ABCA7: variants seen among roughly 807,000 people sequenced by gnomAD.
ABCA7 encodes phospholipid-transporting ATPase ABCA7.
In ABCA7, 261 loss-of-function variants were observed where a neutral mutation model predicts 227.6. That is an observed-to-expected ratio of 1.15 (90% CI 1.04 to 1.27). ABCA7 has a LOEUF of 1.27. ABCA7 is among the 50% of genes most tolerant of loss of function. The pLI is 0.00. For missense variants in ABCA7, 3,331 were observed against 2,924.5 expected (o/e 1.14, Z -3.21); for synonymous variants, 1,488 against 1,279.7 (o/e 1.16, Z -3.47).
intron 41 of ABCA7, 50 bp downstream of exon 41, chr19:1,061,938 C>A: frequency 1.3e-6 from 2 of 1,507,670 alleles, no homozygotes; most frequent in Non-Finnish European, 8.9e-7. Flanking sequence ...GCCCTGACGT[C>A]CTTGTGCTTC....
chr19:1,050,997 G>C lies in ABCA7; in HGVS notation c.2629G>C (p.Ala877Pro). The part of the protein sequence containing the change: ...ILGHDVRSSM[A>P]AIRPHLGVCP... ...GGGCCACGACGTCCGCTCCAGCATG[G>C]CCGCCATCCGGCCCCACCTGGGCGT... Residue 877 changes from alanine (A) to proline (P), a missense_variant, in exon 19 of 47, where the codon GCC becomes CCC. Coordinates refer to ENST00000263094, the MANE Select transcript of ABCA7 (RefSeq NM_019112.4). The C allele has an allele frequency of 6.2e-7, 1 of 1,612,282 alleles. No homozygotes were observed. Among genetic ancestry groups the C allele is most frequent in the African/African-American group, 1.3e-5 (1 of 75,016 alleles).
rs530955802 is a variant in ABCA7, at chr19:1,057,197, G to A, written c.4764+113G>A. ...TGGCCTGGGTAAAGTCTTGAGGATT[G>A]TGGGAGACTTTGTGCCTTCCTACTC... On this transcript the variant is annotated intron_variant, in intron 34 of 46. Coordinates refer to ENST00000263094, the MANE Select transcript of ABCA7 (RefSeq NM_019112.4). 1.9e-5 allele frequency: 30 copies of A among 1,549,934 alleles called. No homozygotes were observed. In the African/African-American group the frequency reaches 3.5e-4, roughly 18 times the overall value.
rs1369923046 is a variant in ABCA7, at chr19:1,043,934, C to T, written c.1047+93C>T. 2.9e-6 allele frequency: 3 copies of T among 1,035,648 alleles called. No homozygotes were observed. The African/African-American group carries it at 5.0e-5, about 17-fold the overall frequency. 64.2% of individuals were successfully genotyped at this position (1,035,648 alleles called of 1,614,324 possible). A position where few individuals can be genotyped will look rare whatever the true frequency, so the allele number is the denominator to read the frequency against. The stretch of plus-strand genomic sequence containing the variant: ...GGGAAGGTGGGCTCCGTGCAGACCC[C>T]CACTTTTTTTTTTTTTTTTTTGAGA... On this transcript the variant is annotated intron_variant, in intron 10 of 46. Coordinates refer to ENST00000263094, the MANE Select transcript of ABCA7 (RefSeq NM_019112.4).
At chr19:1,042,974 G>C (rs2040211560) in intron 7 of ABCA7, 67 bp from the exon 8 acceptor site, 6 of 1,535,288 alleles carry the variant, frequency 3.9e-6, no homozygotes, top group Non-Finnish European at 5.3e-6. Flanking sequence ...CCCTGGCCCA[G>C]TGCCCTGCCC....
In ABCA7 at chr19:1,057,127, G is replaced by T. The variant is rs374680047; in HGVS notation, c.4764+43G>T. ...ACGGGTGGGGGCCCAGCCACTGCTT[G>T]CCACTGCCCTGTCTGGCCCCTTGTA... is the stretch of plus-strand genomic sequence containing the variant. On this transcript the variant is annotated intron_variant, in intron 34 of 46. Coordinates refer to ENST00000263094, the MANE Select transcript of ABCA7 (RefSeq NM_019112.4). 3.1e-6 allele frequency: 5 copies of T among 1,591,786 alleles called. No individual in the cohort carries two copies. In the African/African-American group the frequency reaches 6.7e-5, roughly 21 times the overall value.
intron 1 of ABCA7, among the ~76,000 whole-genome samples, chr19:1,040,664 T>C (rs1036245993): frequency 1.1e-4 from 16 of 151,532 alleles, no homozygotes; most frequent in Admixed American, 7.9e-4. Flanking sequence ...ACTCCAGGAG[T>C]CTCTATCCCA....
At chr19:1,042,427 T>A (rs758856011) in intron 6 of ABCA7, 30 bp downstream of exon 6, 1 of 1,609,768 alleles carries the variant, frequency 6.2e-7, no homozygotes, top group Admixed American at 1.7e-5. Flanking sequence ...CCGCGCTGAC[T>A]TCCTGGGACA....
In ABCA7 at chr19:1,043,712, G is replaced by T. The variant is rs764418887; in HGVS notation, c.931-13G>T. On this transcript the variant is annotated splice_polypyrimidine_tract_variant and intron_variant, in intron 9 of 46. Transcript: ENST00000263094. ...GAGGAGAGGGTCATCAGTGGAGGGG[G>T]TGCTGTCCACAGGTGAACCGGACCT... 8.1e-6 allele frequency: 13 copies of T among 1,607,746 alleles called. No homozygotes were observed. In the East Asian group the frequency reaches 2.2e-4, roughly 28 times the overall value.
At position 1,041,947 on chromosome 19, in the gene ABCA7, C is replaced by G; in HGVS notation, c.277C>G (p.Arg93Gly). 5 of 1,588,778 alleles carry G rather than the reference C, an allele frequency of 3.1e-6. No individual in the cohort carries two copies. The Middle Eastern group carries it at 6.7e-4, about 213-fold the overall frequency. The change falls in exon 4 of 47, where the codon CGC becomes GGC. Residue 93 changes from arginine (R) to glycine (G), a missense_variant. Coordinates refer to ENST00000263094, the MANE Select transcript of ABCA7 (RefSeq NM_019112.4). ...PQLTPGEEPG[R>G]LSNFNDSLVS... ...GCTGACACCGGGCGAGGAGCCCGGGCGCCTGAGCAACTTCAACGACTCCCT... is the reference window on the plus strand; with the variant it reads ...GCTGACACCGGGCGAGGAGCCCGGGGGCCTGAGCAACTTCAACGACTCCCT...
At position 1,047,368 on chromosome 19, in the gene ABCA7, G is replaced by T. The variant is rs936425921; in HGVS notation, c.2057G>T (p.Arg686Leu). ...CGGGACCGGCTGCCCGCGGGTGGCC[G>T]CGTGGCCGCGGTGAGAGCCGGGTCG... ...AWRDRLPAGG[R>L]VAASLLSPVA... The change falls in exon 15 of 47, where the codon CGC becomes CTC. Residue 686 changes from arginine to leucine, a missense_variant. Physicochemically the swap from Arg to Leu is moderately radical, Grantham distance 102. Transcript: ENST00000263094. The T allele has an allele frequency of 6.4e-7, 1 of 1,568,258 alleles. No individual in the cohort carries two copies.
chr19:1,060,207 A>ATATTTTTTT lies in ABCA7; in HGVS notation c.5463+1123_5463+1124insATTTTTTTT. ...AGCACACATTGCAGTATATATATATATTTTTTTTTCTTTTTTTTTCTTTTG... is the reference window on the plus strand; with the variant it reads ...AGCACACATTGCAGTATATATATATATATTTTTTTTTTTTTTTTCTTTTTTTTTCTTTTG... On this transcript the variant is annotated intron_variant, in intron 40 of 46. Coordinates refer to ENST00000263094, the MANE Select transcript of ABCA7 (RefSeq NM_019112.4). 2.7e-4 allele frequency among the ~76,000 whole-genome samples: 26 copies of ATATTTTTTT among 96,866 alleles called. 1 individual carries two copies. Among genetic ancestry groups the ATATTTTTTT allele is most frequent in the African/African-American group, 8.3e-4 (24 of 28,764 alleles). The allele number at this position is 96,866 out of a possible 152,430, so 63.5% of individuals were successfully genotyped here. A position where few individuals can be genotyped will look rare whatever the true frequency, so the allele number is the denominator to read the frequency against.
Position 1,056,138 on chromosome 19 carries a change from G to T in ABCA7, c.4311G>T (p.Glu1437Asp). 1 of 1,609,904 alleles carries T rather than the reference G, an allele frequency of 6.2e-7. No individual in the cohort carries two copies. The highest frequency in any genetic ancestry group is 1.1e-5 in the South Asian group (1 of 90,954). Reference protein sequence around the residue: ...PSGQELGRSVEELWALLSPLP... With the variant: ...PSGQELGRSVDELWALLSPLP... ...GCCAAGAGTTGGGCCGCTCAGTGGA[G>T]GAGTTGTGGGCGCTGCTGAGTCCCC... The change falls in exon 32 of 47, where the codon GAG (glutamate) becomes GAT (aspartate). Residue 1437 changes from glutamate (E) to aspartate (D), a missense_variant. Transcript: ENST00000263094. This position sits in a 1 kb window ranked among gnomAD's most constrained non-coding sequence, Gnocchi z 4.3.
intron 12 of ABCA7, 101 bp downstream of exon 12, chr19:1,045,332 CA>C (rs1332377390): frequency 1.0e-5 from 12 of 1,184,234 alleles, no homozygotes; most frequent in Non-Finnish European, 1.4e-5. Flanking sequence ...CCATGATAGA[CA>C]GGATCTGGGC....
chr19:1,046,094 A>G, intron 12 of ABCA7, 136 bp from the exon 13 acceptor site: 4 of 995,134 alleles, frequency 4.0e-6, no homozygotes, highest in East Asian at 2.5e-5. Flanking sequence ...TCAAGGCTGC[A>G]GTGAGCTATG....
At position 1,058,931 on chromosome 19, in the gene ABCA7, C is replaced by G. The variant is rs757703084; in HGVS notation, c.5391C>G (p.Asn1797Lys). 1 of 1,602,420 alleles carries G rather than the reference C, an allele frequency of 6.2e-7. No homozygotes were observed. Among genetic ancestry groups the G allele is most frequent in the Non-Finnish European group, 8.5e-7 (1 of 1,171,838 alleles). ...ATQGDVLVLR[N>K]LTKVYRGQRM... is the part of the protein sequence containing the mutation. ...AGGGGGATGTGTTGGTGCTGAGGAA[C>G]TTGACCAAGGTAGGTGTGGTCAGGT... The change falls in exon 39 of 47, where the codon AAC becomes AAG. Residue 1797 changes from asparagine to lysine, a missense_variant. Physicochemically the swap from Asn to Lys is moderately conservative, Grantham distance 94. Coordinates refer to ENST00000263094, the MANE Select transcript of ABCA7 (RefSeq NM_019112.4).
chr19:1,041,287 C>T lies in ABCA7; in HGVS notation c.-75C>T, dbSNP rs72559410. On this transcript the variant is annotated 5_prime_UTR_variant, in exon 2 of 47. Coordinates refer to ENST00000263094, the MANE Select transcript of ABCA7 (RefSeq NM_019112.4). ...AGGTTCAGAAAGGGGCAGGGAGTTGCCCGCAGCCGCACCGCACGTCTTCAG... is the reference window on the plus strand; with the variant it reads ...AGGTTCAGAAAGGGGCAGGGAGTTGTCCGCAGCCGCACCGCACGTCTTCAG... 10 of 1,469,128 alleles carry T rather than the reference C, an allele frequency of 6.8e-6. No individual in the cohort carries two copies. The African/African-American group carries it at 8.3e-5, about 12-fold the overall frequency. The allele number at this position is 1,469,128 out of a possible 1,614,324, so 91.0% of individuals were successfully genotyped here.
At chr19:1,046,430 C>G in intron 13 of ABCA7, 24 bp downstream of exon 13, 1 of 1,521,730 alleles carries the variant, frequency 6.6e-7, no homozygotes, top group Non-Finnish European at 8.8e-7. Context: ...CCCCTCCCCG[C>G]TCTTCCCCGC....
At chr19:1,040,460 A>G (rs1326101789) in intron 1 of ABCA7, among the ~76,000 whole-genome samples, 3 of 152,172 alleles carry the variant, frequency 2.0e-5, no homozygotes, top group Middle Eastern at 3.4e-3. Context: ...TTACAAATGG[A>G]GAAACTGAGC....
chr19:1,044,130 C>A (rs894546692), intron 10 of ABCA7, among the ~76,000 whole-genome samples: 4 of 150,186 alleles, frequency 2.7e-5, no homozygotes, highest in African/African-American at 4.9e-5. Context: ...TTAGTAGAGA[C>A]GGGGTTTAAC....
Sources: gnomAD v4.1 joint callset for allele counts (sites outside exome capture counted in the v4.1 genomes callset) on GRCh38, gnomAD v4.1.1 for gene constraint, Gnocchi (gnomAD v3.1) non-coding constraint, MANE v1.5 for transcripts, NCBI Gene and HGNC (gene_info 2026-07-23, HGNC 2026-07-21) for gene names.